BTBD9: variants seen among roughly 807,000 people sequenced by gnomAD.
BTBD9 encodes BTB/POZ domain-containing protein 9.
BTBD9 carries 49 observed loss-of-function variants against 64.3 expected under a neutral mutation model. That is an observed-to-expected ratio of 0.76 (90% CI 0.61 to 0.97). The LOEUF is 0.97. Among genes scored for constraint, BTBD9 ranks in the 50% least tolerant of loss-of-function variants. The pLI is 0.00. For missense variants in BTBD9, 598 were observed against 762.1 expected (o/e 0.78, Z 2.53); for synonymous variants, 260 against 274.7 (o/e 0.95, Z 0.53).
At position 38,402,085 on chromosome 6, in the gene BTBD9, A is replaced by G. The variant is rs542951229; in HGVS notation, c.1155-56992T>C. Among the ~76,000 whole-genome samples, 3 of 152,308 alleles carry G rather than the reference A, an allele frequency of 2.0e-5. No homozygotes were observed. The East Asian group carries it at 5.8e-4, about 29-fold the overall frequency. ...AAATGAAAATAAAATTAAGAAAACAATTTCATTTACAATAGCATCAAAAAG... is the reference window on the plus strand; with the variant it reads ...AAATGAAAATAAAATTAAGAAAACAGTTTCATTTACAATAGCATCAAAAAG... On this transcript the variant is annotated intron_variant, in intron 6 of 10. Coordinates refer to ENST00000481247, the MANE Select transcript of BTBD9 (RefSeq NM_001099272.2).
At chr6:38,438,259 G>A (rs1050224668) in intron 6 of BTBD9, among the ~76,000 whole-genome samples, 1 of 150,634 alleles carries the variant, frequency 6.6e-6, no homozygotes, top group African/African-American at 2.4e-5. Flanking sequence ...AGGAAGGAAG[G>A]AAGGAACAGA....
chr6:38,551,344 T>C (rs1241062442), intron 6 of BTBD9, among the ~76,000 whole-genome samples: 1 of 152,128 alleles, frequency 6.6e-6, no homozygotes, highest in Non-Finnish European at 1.5e-5. Context: ...TACAGAACAA[T>C]GAACTAGCAC....
At chr6:38,441,539 A>T (rs1262012996) in intron 6 of BTBD9, among the ~76,000 whole-genome samples, 1 of 151,986 alleles carries the variant, frequency 6.6e-6, no homozygotes, top group East Asian at 1.9e-4. Flanking sequence ...CAGCTTCGGG[A>T]GTAGCTAGGA....
intron 6 of BTBD9, among the ~76,000 whole-genome samples, chr6:38,395,387 T>G (rs1166835549): frequency 6.6e-6 from 1 of 152,090 alleles, no homozygotes; most frequent in East Asian, 1.9e-4. Flanking sequence ...CAATGAGCCA[T>G]GATCATACCA....
At chr6:38,274,001 C>G (rs1465689030) in intron 8 of BTBD9, among the ~76,000 whole-genome samples, 1 of 152,220 alleles carries the variant, frequency 6.6e-6, no homozygotes, top group African/African-American at 2.4e-5. Flanking sequence ...ACAGACTAAT[C>G]TGATCATCAT....
intron 6 of BTBD9, among the ~76,000 whole-genome samples, chr6:38,433,092 A>G (rs1270866350): frequency 2.6e-5 from 4 of 151,982 alleles, no homozygotes; most frequent in Non-Finnish European, 5.9e-5. Context: ...TCAGCCTCAC[A>G]TACTACCACT....
At chr6:38,437,245 T>A (rs1364747266) in intron 6 of BTBD9, among the ~76,000 whole-genome samples, 1 of 152,188 alleles carries the variant, frequency 6.6e-6, no homozygotes, top group African/African-American at 2.4e-5. Context: ...CCTGGATGTG[T>A]GCCACTGCCT....
chr6:38,183,258 T>C (rs184269395), intron 10 of BTBD9, among the ~76,000 whole-genome samples: 11 of 152,228 alleles, frequency 7.2e-5, no homozygotes, highest in African/African-American at 1.2e-4. Flanking sequence ...ATTACAGGTG[T>C]GAGCCACCGC....
intron 9 of BTBD9, among the ~76,000 whole-genome samples, chr6:38,245,364 A>G (rs1224611100): frequency 1.3e-5 from 2 of 152,148 alleles, no homozygotes; most frequent in Non-Finnish European, 2.9e-5. Context: ...TGAGCTGAGA[A>G]GGGTAAGTGG....
At chr6:38,512,381 T>G (rs1405691273) in intron 6 of BTBD9, among the ~76,000 whole-genome samples, 3 of 152,222 alleles carry the variant, frequency 2.0e-5, no homozygotes, top group Non-Finnish European at 2.9e-5. Context: ...TGACTATTAA[T>G]TAGGTGTCAA....
In BTBD9 at chr6:38,412,355, A is replaced by T. The variant is rs193272117; in HGVS notation, c.1155-67262T>A. On this transcript the variant is annotated intron_variant, in intron 6 of 10. Transcript: ENST00000481247. ...CCCAAAACACACGAACATATGCTCA[A>T]CTTCCTTCTCGATAACAGAAATGAA... Among the ~76,000 whole-genome samples, 24 of 152,250 alleles carry T rather than the reference A, an allele frequency of 1.6e-4. No homozygotes were observed. In the East Asian group the frequency reaches 4.4e-3, roughly 28 times the overall value.
At chr6:38,633,817 C>T (rs893594674) in intron 1 of BTBD9, among the ~76,000 whole-genome samples, 8 of 152,088 alleles carry the variant, frequency 5.3e-5, no homozygotes, top group South Asian at 2.1e-4. Context: ...CATCTCTATA[C>T]GCGTCATGGC....
At chr6:38,470,313 G>A (rs576104598) in intron 6 of BTBD9, among the ~76,000 whole-genome samples, 12 of 152,266 alleles carry the variant, frequency 7.9e-5, no homozygotes, top group Non-Finnish European at 5.9e-5. Context: ...TTATCATCCT[G>A]GCCAGTACAG....
In BTBD9 at chr6:38,347,576, C is replaced by A. The variant is rs9366955; in HGVS notation, c.1155-2483G>T. 4.2e-3 allele frequency among the ~76,000 whole-genome samples: 640 copies of A among 152,284 alleles called. 32 individuals are homozygous for A. In the East Asian group the frequency reaches 0.11, roughly 27 times the overall value. ...GTGACATCAAAAGAAAGAAGCCAAG[C>A]TCCTTTTTCTCAAGCAAAAAGTTAT... is the stretch of plus-strand genomic sequence containing the variant. On this transcript the variant is annotated intron_variant, in intron 6 of 10. Coordinates refer to ENST00000481247, the MANE Select transcript of BTBD9 (RefSeq NM_001099272.2).
At chr6:38,178,913 G>C (rs1262063894) in intron 10 of BTBD9, among the ~76,000 whole-genome samples, 1 of 151,932 alleles carries the variant, frequency 6.6e-6, no homozygotes, top group African/African-American at 2.4e-5. Context: ...GGTGCAGGGG[G>C]GCTATCTCAG....
chr6:38,312,583 T>C (rs73422832), intron 7 of BTBD9, among the ~76,000 whole-genome samples: 2 of 152,198 alleles, frequency 1.3e-5, no homozygotes, highest in African/African-American at 4.8e-5. Flanking sequence ...TATTTGTATA[T>C]GGAGAGGGAG....
chr6:38,574,649 C>A (rs1455669955), intron 6 of BTBD9, among the ~76,000 whole-genome samples: 2 of 152,174 alleles, frequency 1.3e-5, no homozygotes, highest in South Asian at 2.1e-4. Flanking sequence ...TGTAAATGTG[C>A]TGTATCATCT....
At chr6:38,630,436 C>A (rs960168411) in intron 1 of BTBD9, among the ~76,000 whole-genome samples, 1 of 152,094 alleles carries the variant, frequency 6.6e-6, no homozygotes, top group African/African-American at 2.4e-5. Flanking sequence ...AAGAGAATAT[C>A]CTTGTTTTTA....
chr6:38,595,722 A>G, intron 2 of BTBD9: 6 of 975,510 alleles, frequency 6.2e-6, no homozygotes, highest in Non-Finnish European at 7.3e-6. Flanking sequence ...TGCCCCAGAA[A>G]AATAGTTGAA....
Sources: allele counts gnomAD v4.1 joint callset (sites outside exome capture counted in the v4.1 genomes callset), GRCh38; gene constraint gnomAD v4.1.1; transcripts MANE v1.5; gene names NCBI Gene and HGNC (gene_info 2026-07-23, HGNC 2026-07-21).